The following POLK variants were observed in gnomAD, a reference collection of about 807,000 sequenced individuals.
POLK encodes the protein DNA polymerase kappa, also known as polymerase (DNA directed) kappa.
In POLK, 76 loss-of-function variants were observed where a neutral mutation model predicts 94.0. That is an observed-to-expected ratio of 0.81 (90% CI 0.67 to 0.98). POLK has a LOEUF of 0.98. Among genes scored for constraint, POLK ranks in the 50% least tolerant of loss-of-function variants. POLK has a pLI of 0.00. For missense variants in POLK, 954 were observed against 1,010.1 expected, an observed-to-expected ratio of 0.94 and a Z score of 0.75; for synonymous variants, 349 against 325.4, an observed-to-expected ratio of 1.07 and a Z score of -0.78.
At chr5:75,572,034 T>C (rs1404494789) in intron 4 of POLK, among the ~76,000 whole-genome samples, 2 of 152,236 alleles carry the variant, frequency 1.3e-5, no homozygotes, top group African/African-American at 2.4e-5. Flanking sequence ...TGAAAATCAT[T>C]AGACGAAAAT....
chr5:75,589,676 A>T (rs1423016290), intron 10 of POLK, among the ~76,000 whole-genome samples: 2 of 152,184 alleles, frequency 1.3e-5, no homozygotes, highest in African/African-American at 4.8e-5. Flanking sequence ...AAGAGAACTG[A>T]GTAGCTGAGG....
intron 13 of POLK, 83 bp from the exon 14 acceptor site, chr5:75,597,664 T>G: frequency 1.3e-6 from 1 of 754,406 alleles, no homozygotes; most frequent in Non-Finnish European, 2.1e-6. Flanking sequence ...ATCAATAAGT[T>G]TTAACTTTTT....
At chr5:75,586,990 C>G in intron 9 of POLK, 36 bp from the exon 10 acceptor site, 1 of 1,487,776 alleles carries the variant, frequency 6.7e-7, no homozygotes, top group Non-Finnish European at 9.2e-7. Context: ...AAAACTCAGT[C>G]TTTGAAAAAT....
intron 6 of POLK, among the ~76,000 whole-genome samples, chr5:75,579,354 T>C (rs1463757732): frequency 1.3e-5 from 2 of 151,764 alleles, no homozygotes; most frequent in Non-Finnish European, 2.9e-5. Context: ...TGTTTCACAG[T>C]CTTTATTTTT....
intron 1 of POLK, among the ~76,000 whole-genome samples, chr5:75,527,502 T>TATACACACACACACAC (rs555220325): frequency 1.5e-5 from 2 of 132,980 alleles, no homozygotes; most frequent in African/African-American, 5.7e-5. Context: ...AATTTATATA[T>TATACACACACACACAC]ACACACACAC....
intron 1 of POLK, among the ~76,000 whole-genome samples, chr5:75,544,133 G>A (rs577684175): frequency 2.6e-5 from 4 of 152,204 alleles, no homozygotes; most frequent in East Asian, 1.9e-4. Context: ...TGCTGCACCC[G>A]GCCTCTTCTC....
rs1383194878 is a variant in POLK at position 75,593,898 on chromosome 5, G to A, written c.1377G>A (p.Lys459=). ...TATAGGGTAGAACTGTTACCATTAA[G>A]TTGAAGAATGTGAATTTTGAAGTAA... The change falls in exon 12 of 15, where the codon AAG becomes AAA. Residue 459 remains lysine (K), a synonymous_variant. Coordinates refer to ENST00000241436, the Ensembl canonical transcript of POLK. 1.9e-6 allele frequency: 3 copies of A among 1,588,212 alleles called. No homozygotes were observed. In the African/African-American group the frequency reaches 4.0e-5, roughly 21 times the overall value.
At chr5:75,601,354 A>C (rs1773291967), downstream of POLK, among the ~76,000 whole-genome samples, 2 of 152,152 alleles carry the variant, frequency 1.3e-5, 1 homozygote, top group South Asian at 4.1e-4. Flanking sequence ...ACAGCTGTTG[A>C]CAGTTAGACC....
At chr5:75,524,611 C>G (rs1301842051) in intron 1 of POLK, among the ~76,000 whole-genome samples, 1 of 117,236 alleles carries the variant, frequency 8.5e-6, no homozygotes. Flanking sequence ...GACTGAAAAC[C>G]TAGAAAAAAA....
chr5:75,533,334 A>AAT (rs1769273946), intron 1 of POLK, among the ~76,000 whole-genome samples: 1 of 152,258 alleles, frequency 6.6e-6, no homozygotes, highest in Non-Finnish European at 1.5e-5. Context: ...CCATTTATTG[A>AAT]ATAGGGAGTT....
intron 9 of POLK, among the ~76,000 whole-genome samples, chr5:75,585,977 C>CT (rs1347047541): frequency 4.6e-5 from 7 of 152,140 alleles, no homozygotes; most frequent in Non-Finnish European, 8.8e-5. Context: ...AGTTAGCTGA[C>CT]TTTGATCTTC....
chr5:75,551,701 A>C (rs1045204357), intron 2 of POLK, among the ~76,000 whole-genome samples: 1 of 152,212 alleles, frequency 6.6e-6, no homozygotes, highest in Admixed American at 6.5e-5. Context: ...TAGCTATAAT[A>C]AATAAGACAC....
At chr5:75,573,522 TATATG>T (rs1345352453) in intron 4 of POLK, among the ~76,000 whole-genome samples, 3 of 151,878 alleles carry the variant, frequency 2.0e-5, no homozygotes, top group Admixed American at 6.6e-5. Context: ...ATTAAAAAAA[TATATG>T]ATAGAATGAT....
chr5:75,533,549 G>T (rs908410554), intron 1 of POLK, among the ~76,000 whole-genome samples: 9 of 152,054 alleles, frequency 5.9e-5, no homozygotes, highest in Non-Finnish European at 1.2e-4. Flanking sequence ...TTTGCTTAGG[G>T]TTACCTTGGC....
At chr5:75,525,183 A>G (rs1768776263) in intron 1 of POLK, among the ~76,000 whole-genome samples, 1 of 152,236 alleles carries the variant, frequency 6.6e-6, no homozygotes, top group African/African-American at 2.4e-5. Flanking sequence ...AGACAAGTCA[A>G]CAGATGGTAA....
intron 1 of POLK, among the ~76,000 whole-genome samples, chr5:75,530,396 C>CTTTTTTTTTTTTTTTTTTTTT (rs201266079): frequency 1.6e-5 from 1 of 61,626 alleles, no homozygotes; most frequent in African/African-American, 6.7e-5. Context: ...TTCCCTTTTT[C>CTTTTTTTTTTTTTTTTTTTTT]TTTTTTTTTT....
At chr5:75,580,605 C>A in intron 6 of POLK, 1 of 738,282 alleles carries the variant, frequency 1.4e-6, no homozygotes, top group Non-Finnish European at 1.7e-6. Context: ...CAGGTAATTT[C>A]TATTTATTAC....
At chr5:75,596,688 T>A in exon 13 of POLK, 1 of 1,614,016 alleles carries the variant, frequency 6.2e-7, no homozygotes, top group East Asian at 2.2e-5. Flanking sequence ...CACATGTTTC[T>A]GCTACCAAAG....
At chr5:75,540,159 CTT>C (rs1224290825) in intron 1 of POLK, among the ~76,000 whole-genome samples, 1 of 152,072 alleles carries the variant, frequency 6.6e-6, no homozygotes, top group Non-Finnish European at 1.5e-5. Flanking sequence ...TTATACAACT[CTT>C]TTTGATTTTA....
Sources: gnomAD v4.1 joint callset for allele counts (sites outside exome capture counted in the v4.1 genomes callset) on GRCh38, gnomAD v4.1.1 for gene constraint, MANE v1.5 for transcripts, NCBI Gene and HGNC (gene_info 2026-07-23, HGNC 2026-07-21) for gene names.